The following SDC2 variants were observed in gnomAD, a reference collection of about 807,000 sequenced individuals.
The protein encoded by SDC2 is syndecan-2.
SDC2 carries 13 observed loss-of-function variants against 22.2 expected under a neutral mutation model. The ratio of observed to expected loss-of-function variants is 0.59; its 90% CI spans 0.38 to 0.93. The LOEUF is 0.93. Ranked by LOEUF, SDC2 falls within the 40% of genes least tolerant of loss-of-function variation. The probability of loss-of-function intolerance (pLI) is 0.00; values close to 1 mark genes in which losing one functional copy is unlikely to be tolerated. For synonymous variants in SDC2, 94 were observed against 92.8 expected (o/e 1.01, Z -0.07); for missense variants, 235 against 246.8 (o/e 0.95, Z 0.32).
intron 1 of SDC2, among the ~76,000 whole-genome samples, chr8:96,575,366 T>TGGGGGTAGGG (rs1814470198): frequency 6.6e-4 from 1 of 1,526 alleles, no homozygotes; most frequent in Non-Finnish European, 1.2e-3. Flanking sequence ...TGCGGGGTGG[T>TGGGGGTAGGG]GGGGGTAGGG....
chr8:96,535,133 C>T (rs1175763029), intron 1 of SDC2, among the ~76,000 whole-genome samples: 1 of 152,040 alleles, frequency 6.6e-6, no homozygotes, highest in African/African-American at 2.4e-5. Context: ...CGTCAGCCTC[C>T]GAGTAGCTGG....
intron 4 of SDC2, 116 bp downstream of exon 4, chr8:96,608,586 G>A (rs565191411): frequency 3.3e-6 from 3 of 901,126 alleles, no homozygotes; most frequent in South Asian, 4.4e-5. Context: ...AAGCAGTCTT[G>A]TGGGTGCTTG....
intron 1 of SDC2, among the ~76,000 whole-genome samples, chr8:96,500,040 A>G (rs1813138092): frequency 6.6e-6 from 1 of 152,196 alleles, no homozygotes; most frequent in African/African-American, 2.4e-5. Context: ...ATTATGGTTC[A>G]GGGTCAACTG....
At chr8:96,560,338 T>C (rs1365990852) in intron 1 of SDC2, among the ~76,000 whole-genome samples, 1 of 152,236 alleles carries the variant, frequency 6.6e-6, no homozygotes, top group Admixed American at 6.5e-5. Context: ...TTTATCCCCA[T>C]ATCTGTAGAA....
chr8:96,513,989 A>G (rs1256801794), intron 1 of SDC2, among the ~76,000 whole-genome samples: 1 of 152,210 alleles, frequency 6.6e-6, no homozygotes, highest in East Asian at 1.9e-4. Context: ...TTTAAAGGTG[A>G]GTGCTGAGCA....
intron 3 of SDC2, 60 bp from the exon 4 acceptor site, chr8:96,608,275 T>C (rs1453291664): frequency 1.3e-6 from 2 of 1,550,758 alleles, no homozygotes; most frequent in Non-Finnish European, 1.7e-6. Context: ...TCATCTATTA[T>C]TTCTTCTTTC....
intron 1 of SDC2, among the ~76,000 whole-genome samples, chr8:96,588,919 T>C (rs773334061): frequency 1.3e-4 from 20 of 152,372 alleles, no homozygotes; most frequent in Non-Finnish European, 2.6e-4. Context: ...ACATGGTATT[T>C]GTTCAGTGTA....
At chr8:96,586,418 A>T (rs1023489412) in intron 1 of SDC2, 1 of 152,234 alleles carries the variant, frequency 6.6e-6, no homozygotes, top group African/African-American at 2.4e-5. Flanking sequence ...GAGAGGACGC[A>T]GAAAGATCAG....
intron 1 of SDC2, among the ~76,000 whole-genome samples, chr8:96,544,704 C>A (rs1387453440): frequency 6.6e-6 from 1 of 152,094 alleles, no homozygotes; most frequent in African/African-American, 2.4e-5. Context: ...AGTGCCACAT[C>A]CCTTGGAAAC....
intron 1 of SDC2, among the ~76,000 whole-genome samples, chr8:96,542,835 C>T (rs1409462890): frequency 6.6e-6 from 1 of 152,118 alleles, no homozygotes; most frequent in Non-Finnish European, 1.5e-5. Flanking sequence ...ACCATATGTC[C>T]CAGTTTTAAT....
At chr8:96,577,128 AAGAATGAATGAATG>A (rs1814518608) in intron 1 of SDC2, among the ~76,000 whole-genome samples, 1 of 152,202 alleles carries the variant, frequency 6.6e-6, no homozygotes, top group African/African-American at 2.4e-5. Context: ...CAGTGTAGGC[AAGAATGAATGAATG>A]AGAATGAATG....
rs115603214 is a variant in SDC2, at chr8:96,602,489, G to A, written c.267G>A (p.Thr89=). 2.9e-4 allele frequency: 466 copies of A among 1,614,168 alleles called. No homozygotes were observed. Among genetic ancestry groups the A allele is most frequent in the Non-Finnish European group, 3.4e-4 (406 of 1,180,010 alleles). The change falls in exon 3 of 5, where the codon ACG becomes ACA. Residue 89 remains threonine, a synonymous_variant. Coordinates refer to ENST00000302190, the MANE Select transcript of SDC2 (RefSeq NM_002998.4). ...LTSAAPKVET[T]TLNIQNKIPA... Reference sequence around the variant, plus strand: ...GTGCTGCTCCAAAAGTGGAAACCACGACGCTGAATATACAGAACAAGATAC... The same window carrying A: ...GTGCTGCTCCAAAAGTGGAAACCACAACGCTGAATATACAGAACAAGATAC...
chr8:96,505,367 G>T (rs964221893), intron 1 of SDC2, among the ~76,000 whole-genome samples: 1 of 151,954 alleles, frequency 6.6e-6, no homozygotes, highest in Admixed American at 6.6e-5. Context: ...GCAGTGGTGC[G>T]ATCTCGGCTC....
chr8:96,598,381 G>C (rs954857990), intron 2 of SDC2, among the ~76,000 whole-genome samples: 1 of 152,168 alleles, frequency 6.6e-6, no homozygotes, highest in African/African-American at 2.4e-5. Flanking sequence ...CAGCAGTTTG[G>C]GAGGCTGAGG....
intron 1 of SDC2, among the ~76,000 whole-genome samples, chr8:96,523,126 C>A (rs948195690): frequency 1.3e-5 from 2 of 152,152 alleles, no homozygotes; most frequent in African/African-American, 4.8e-5. Flanking sequence ...CAGTGATAAA[C>A]CTCTGAATTT....
At chr8:96,584,279 G>A (rs1814644842) in intron 1 of SDC2, among the ~76,000 whole-genome samples, 1 of 152,232 alleles carries the variant, frequency 6.6e-6, no homozygotes, top group Admixed American at 6.5e-5. Flanking sequence ...GGTGTGGTCT[G>A]CCCTTTGGCC....
chr8:96,559,422 G>A (rs1008264054), intron 1 of SDC2, among the ~76,000 whole-genome samples: 2 of 152,140 alleles, frequency 1.3e-5, no homozygotes, highest in Non-Finnish European at 2.9e-5. Context: ...CAGAGGAATT[G>A]GGATTTACTA....
intron 1 of SDC2, among the ~76,000 whole-genome samples, chr8:96,505,955 T>A (rs1209060768): frequency 6.6e-6 from 1 of 152,238 alleles, no homozygotes; most frequent in Non-Finnish European, 1.5e-5. Flanking sequence ...AAAATATGTG[T>A]TATATGTAAA....
chr8:96,599,476 A>G (rs891819985), intron 2 of SDC2, among the ~76,000 whole-genome samples: 8 of 152,204 alleles, frequency 5.3e-5, no homozygotes, highest in Non-Finnish European at 7.3e-5. Context: ...TAAAATGTTG[A>G]TAGATAATTA....
Sources: allele counts gnomAD v4.1 joint callset (sites outside exome capture counted in the v4.1 genomes callset), GRCh38; gene constraint gnomAD v4.1.1; transcripts MANE v1.5; gene names NCBI Gene and HGNC (gene_info 2026-07-23, HGNC 2026-07-21).